BTBD9: variants seen among roughly 807,000 people sequenced by gnomAD.
The protein encoded by BTBD9 is BTB domain containing 9.
Under a neutral mutation model 64.3 loss-of-function variants are expected in BTBD9, and 49 were observed. That is an observed-to-expected ratio of 0.76 (90% CI 0.61 to 0.97). BTBD9 has a LOEUF of 0.97. Among genes scored for constraint, BTBD9 ranks in the 50% least tolerant of loss-of-function variants. BTBD9 has a pLI of 0.00. For missense variants in BTBD9, 598 were observed against 762.1 expected (o/e 0.78, Z 2.53); for synonymous variants, 260 against 274.7 (o/e 0.95, Z 0.53).
intron 10 of BTBD9, among the ~76,000 whole-genome samples, chr6:38,185,968 T>C (rs2127479156): frequency 6.6e-6 from 1 of 152,292 alleles, no homozygotes; most frequent in African/African-American, 2.4e-5. Flanking sequence ...GGGTACAGGA[T>C]GAACAAGGCT....
chr6:38,518,963 A>AC (rs1336264818), intron 6 of BTBD9, among the ~76,000 whole-genome samples: 1 of 152,228 alleles, frequency 6.6e-6, no homozygotes, highest in Non-Finnish European at 1.5e-5. Context: ...GAGCACAGGT[A>AC]CCCAGAGTAA....
intron 9 of BTBD9, among the ~76,000 whole-genome samples, chr6:38,248,890 A>G (rs1409735328): frequency 2.0e-5 from 3 of 152,252 alleles, no homozygotes; most frequent in Admixed American, 6.5e-5. Context: ...TAAATCGAGG[A>G]GAACTGGGCA....
chr6:38,596,543 G>A (rs1562396154), intron 2 of BTBD9, among the ~76,000 whole-genome samples: 1 of 151,710 alleles, frequency 6.6e-6, no homozygotes, highest in African/African-American at 2.4e-5. Flanking sequence ...GCTCAAGCCT[G>A]TAATCCCAGT....
chr6:38,492,675 T>C (rs1212008636), intron 6 of BTBD9, among the ~76,000 whole-genome samples: 1 of 152,226 alleles, frequency 6.6e-6, no homozygotes, highest in Non-Finnish European at 1.5e-5. Context: ...ATGTATAATA[T>C]TGACATTTTA....
At chr6:38,335,708 G>T (rs1207050357) in intron 7 of BTBD9, among the ~76,000 whole-genome samples, 1 of 152,062 alleles carries the variant, frequency 6.6e-6, no homozygotes, top group Non-Finnish European at 1.5e-5. Context: ...TGAGACTACA[G>T]GCGTGCGCCA....
At chr6:38,273,879 G>T (rs1294922426) in intron 8 of BTBD9, among the ~76,000 whole-genome samples, 1 of 152,210 alleles carries the variant, frequency 6.6e-6, no homozygotes, top group Admixed American at 6.5e-5. Context: ...AGGAAGGCAG[G>T]GCCTCCTTCT....
chr6:38,170,745 A>G lies in BTBD9; in HGVS notation c.*4240T>C, dbSNP rs1425470668. On this transcript the variant is annotated 3_prime_UTR_variant, in exon 11 of 11. Transcript: ENST00000481247. ...ACGGTGGCACAGAACCATGAACTGC[A>G]CTTTAAATTCCTAACTGAACTCCTG... 6.6e-6 allele frequency: 1 copy of G among 152,188 alleles called. No individual in the cohort carries two copies. The highest frequency in any genetic ancestry group is 1.5e-5 in the Non-Finnish European group (1 of 68,030). The allele number at this position is 152,188 out of a possible 1,614,324, so 9.4% of individuals were successfully genotyped here.
At chr6:38,191,521 C>T (rs1380504838) in intron 10 of BTBD9, among the ~76,000 whole-genome samples, 1 of 152,230 alleles carries the variant, frequency 6.6e-6, no homozygotes, top group Non-Finnish European at 1.5e-5. Context: ...CACAGGGACA[C>T]CCCACTGCCA....
At chr6:38,568,907 A>G (rs2127463658) in intron 6 of BTBD9, among the ~76,000 whole-genome samples, 1 of 152,342 alleles carries the variant, frequency 6.6e-6, no homozygotes, top group South Asian at 2.1e-4. Flanking sequence ...ACTAAAACCA[A>G]GTAACTCCTA....
chr6:38,229,162 C>T (rs1763514818), intron 9 of BTBD9, among the ~76,000 whole-genome samples: 1 of 149,412 alleles, frequency 6.7e-6, no homozygotes, highest in Admixed American at 6.7e-5. Context: ...CACACCACTG[C>T]ACTCCAGCCT....
intron 7 of BTBD9, among the ~76,000 whole-genome samples, chr6:38,334,943 T>A (rs543622123): frequency 1.3e-5 from 2 of 152,120 alleles, no homozygotes; most frequent in Non-Finnish European, 2.9e-5. Context: ...TGAATTGTAA[T>A]CCCCACGTGT....
At chr6:38,614,158 A>G (rs1057501961) in intron 1 of BTBD9, among the ~76,000 whole-genome samples, 9 of 152,156 alleles carry the variant, frequency 5.9e-5, no homozygotes, top group African/African-American at 2.2e-4. Context: ...TTGTCTGGCT[A>G]ATTCTGCCTC....
chr6:38,320,740 A>G (rs1401030726), intron 7 of BTBD9, among the ~76,000 whole-genome samples: 10 of 152,200 alleles, frequency 6.6e-5, no homozygotes, highest in Admixed American at 6.5e-4. Flanking sequence ...GTTTCAGAGA[A>G]GCATAAGACC....
chr6:38,600,213 G>C (rs1444965505), intron 1 of BTBD9, among the ~76,000 whole-genome samples: 1 of 152,162 alleles, frequency 6.6e-6, no homozygotes, highest in Admixed American at 6.5e-5. Context: ...TACAATCTAC[G>C]TCAAATGATT....
At chr6:38,304,076 C>T (rs958781750) in intron 7 of BTBD9, among the ~76,000 whole-genome samples, 1 of 150,844 alleles carries the variant, frequency 6.6e-6, no homozygotes, top group Admixed American at 6.6e-5. Flanking sequence ...AGAGACACAA[C>T]CAGACACACT....
intron 7 of BTBD9, among the ~76,000 whole-genome samples, chr6:38,310,981 T>C (rs1582208881): frequency 6.6e-6 from 1 of 152,134 alleles, no homozygotes; most frequent in Non-Finnish European, 1.5e-5. Context: ...CTAATTTTTT[T>C]TGCAGTTTTA....
intron 6 of BTBD9, among the ~76,000 whole-genome samples, chr6:38,429,886 T>C (rs766655624): frequency 6.6e-6 from 1 of 151,914 alleles, no homozygotes; most frequent in Non-Finnish European, 1.5e-5. Context: ...GAATGAAAAT[T>C]CCAAAATCAG....
intron 2 of BTBD9, chr6:38,595,655 T>C (rs1447344132): frequency 1.6e-5 from 6 of 375,214 alleles, no homozygotes; most frequent in East Asian, 1.6e-4. Context: ...GACTAGCATT[T>C]CAGGTTTACC....
intron 9 of BTBD9, among the ~76,000 whole-genome samples, chr6:38,207,940 T>C (rs1762713233): frequency 6.6e-6 from 1 of 152,088 alleles, no homozygotes; most frequent in African/African-American, 2.4e-5. Flanking sequence ...AGTCTTGTGG[T>C]TTTACTTCAC....
Sources: allele counts gnomAD v4.1 joint callset (sites outside exome capture counted in the v4.1 genomes callset), GRCh38; gene constraint gnomAD v4.1.1; transcripts MANE v1.5; gene names NCBI Gene and HGNC (gene_info 2026-07-23, HGNC 2026-07-21).